The following SCGB3A2 variants were observed in gnomAD, a reference collection of about 807,000 sequenced individuals.
SCGB3A2 encodes pneumo secretory protein 1.
In SCGB3A2, 5 loss-of-function variants were observed where a neutral mutation model predicts 7.7. The observed-to-expected ratio is 0.65, with a 90% CI of 0.34 to 1.36. The LOEUF (loss-of-function observed/expected upper bound fraction) is 1.36. Ranked by LOEUF, SCGB3A2 falls within the 40% of genes most tolerant of loss-of-function variation. The probability of loss-of-function intolerance (pLI) is 0.04; values close to 1 mark genes in which losing one functional copy is unlikely to be tolerated. For missense variants in SCGB3A2, 109 were observed against 103.6 expected, an observed-to-expected ratio of 1.05 and a Z score of -0.23; for synonymous variants, 44 against 42.7, an observed-to-expected ratio of 1.03 and a Z score of -0.12.
At chr5:147,880,377 C>G (rs1222723977) in intron 1 of SCGB3A2, among the ~76,000 whole-genome samples, 2 of 152,138 alleles carry the variant, frequency 1.3e-5, no homozygotes, top group Non-Finnish European at 2.9e-5. Flanking sequence ...TGACATCCAA[C>G]ACTTTAAAAA....
In SCGB3A2 at chr5:147,881,976, T is replaced by C. The variant is rs779799344; in HGVS notation, c.259-51T>C. On this transcript the variant is annotated intron_variant, in intron 2 of 2. Transcript: ENST00000296694. ...CTGGAAGTGAATATGTTTTGAAACATGCGAATTACATGTAAGCTGCTCTAA... is the reference window on the plus strand; with the variant it reads ...CTGGAAGTGAATATGTTTTGAAACACGCGAATTACATGTAAGCTGCTCTAA... 1.9e-6 allele frequency: 3 copies of C among 1,598,854 alleles called. No homozygotes were observed. In the South Asian group the frequency reaches 3.3e-5, roughly 18 times the overall value.
chr5:147,879,337 T>G (rs1757310255), intron 1 of SCGB3A2, among the ~76,000 whole-genome samples: 1 of 152,254 alleles, frequency 6.6e-6, no homozygotes. Flanking sequence ...GATAGCTACA[T>G]TCATCTGTTT....
At chr5:147,881,692 C>T in intron 2 of SCGB3A2, 44 bp downstream of exon 2, 17 of 1,473,788 alleles carry the variant, frequency 1.2e-5, no homozygotes, top group Non-Finnish European at 1.6e-5. Flanking sequence ...GGGAGGCATA[C>T]TCACCCTGAA....
At chr5:147,879,473 G>T (rs767079294) in intron 1 of SCGB3A2, among the ~76,000 whole-genome samples, 44 of 152,298 alleles carry the variant, frequency 2.9e-4, no homozygotes, top group African/African-American at 6.7e-4. Flanking sequence ...GATAGATAGG[G>T]CTTCTGCCTA....
rs1757356612 is a variant in SCGB3A2 at position 147,882,013 on chromosome 5, C to T, written c.259-14C>T. On this transcript the variant is annotated splice_polypyrimidine_tract_variant and intron_variant, in intron 2 of 2. Coordinates refer to ENST00000296694, the MANE Select transcript of SCGB3A2 (RefSeq NM_054023.5). ...GTAAGCTGCTCTAAATTTTGTTGTC[C>T]TTCTACATTTCAGGAGGCGCTATCA... 6.2e-7 allele frequency: 1 copy of T among 1,613,214 alleles called. No homozygotes were observed. The highest frequency in any genetic ancestry group is 1.3e-5 in the African/African-American group (1 of 74,846).
chr5:147,881,920 C>A, intron 2 of SCGB3A2, 107 bp from the exon 3 acceptor site: 1 of 1,225,456 alleles, frequency 8.2e-7, no homozygotes, highest in Non-Finnish European at 1.2e-6. Flanking sequence ...TTTTTGTTTC[C>A]CCATCAGTAA....
chr5:147,880,109 T>A (rs116616735), intron 1 of SCGB3A2, among the ~76,000 whole-genome samples: 1 of 152,180 alleles, frequency 6.6e-6, no homozygotes. Context: ...GAAAATAAAC[T>A]ATGGCAGGTC....
At chr5:147,881,340 A>C in intron 1 of SCGB3A2, 106 bp from the exon 2 acceptor site, 1 of 879,518 alleles carries the variant, frequency 1.1e-6, no homozygotes, top group South Asian at 1.5e-5. Context: ...TGGAAGTAAG[A>C]TGAGTGGATC....
At chr5:147,880,112 G>A (rs75900153) in intron 1 of SCGB3A2, among the ~76,000 whole-genome samples, 1,543 of 152,252 alleles carry the variant, frequency 0.01, 27 homozygotes, top group African/African-American at 0.035. Flanking sequence ...AATAAACTAT[G>A]GCAGGTCTTA....
chr5:147,882,137 CAAATGCCCTA>C lies in SCGB3A2; in HGVS notation c.*93_*102del. 3 of 1,320,136 alleles carry C rather than the reference CAAATGCCCTA, an allele frequency of 2.3e-6. No individual in the cohort carries two copies. The Admixed American group carries it at 5.1e-5, about 22-fold the overall frequency. The allele number at this position is 1,320,136 out of a possible 1,614,324, so 81.8% of individuals were successfully genotyped here. A position where few individuals can be genotyped will look rare whatever the true frequency, so the allele number is the denominator to read the frequency against. ...GAAACCTGTTCTACCAATTATAGAT[CAAATGCCCTA>C]AAATGTAGTGACCCGTGAAAAGGAC... On this transcript the variant is annotated 3_prime_UTR_variant, in exon 3 of 3. Coordinates refer to ENST00000296694, the MANE Select transcript of SCGB3A2 (RefSeq NM_054023.5).
Position 147,881,445 on chromosome 5 carries a change from G to A in SCGB3A2, c.56-1G>A, listed in dbSNP as rs750914244. On this transcript the variant is annotated splice_acceptor_variant, in intron 1 of 2. Transcript: ENST00000296694. LOFTEE classifies it high-confidence loss of function. Reference sequence around the variant, plus strand: ...TCACCTGGTTTCTCTTTTTCCTGCAGCTACTGCCTTCCTCATCAACAAAGT... The same window carrying A: ...TCACCTGGTTTCTCTTTTTCCTGCAACTACTGCCTTCCTCATCAACAAAGT... The A allele has an allele frequency of 1.5e-5, 25 of 1,613,548 alleles. No homozygotes were observed. The highest frequency in any genetic ancestry group is 6.7e-5 in the Admixed American group (4 of 59,998).
chr5:147,881,764 AG>A, intron 2 of SCGB3A2, 116 bp downstream of exon 2: 2 of 880,284 alleles, frequency 2.3e-6, no homozygotes, highest in South Asian at 1.8e-5. Flanking sequence ...TTATATTCAT[AG>A]GAAGTTTGCA....
intron 2 of SCGB3A2, 120 bp from the exon 3 acceptor site, chr5:147,881,907 G>A (rs1757354726): frequency 9.3e-7 from 1 of 1,071,378 alleles, no homozygotes; most frequent in African/African-American, 1.6e-5. Flanking sequence ...TAATCACTCT[G>A]AGTTTTTGTT....
chr5:147,881,526 A>T lies in SCGB3A2; in HGVS notation c.136A>T (p.Met46Leu), dbSNP rs1757347912. The part of the protein sequence containing the change: ...PLPLDNILPF[M>L]DPLKLLLKTL... ...ACCTCTGGACAACATTCTTCCCTTTATGGATCCATTAAAGCTTCTTCTGAA... is the reference window on the plus strand; with the variant it reads ...ACCTCTGGACAACATTCTTCCCTTTTTGGATCCATTAAAGCTTCTTCTGAA... Residue 46 changes from methionine to leucine, a missense_variant, in exon 2 of 3, where the codon ATG becomes TTG. Coordinates refer to ENST00000296694, the MANE Select transcript of SCGB3A2 (RefSeq NM_054023.5). 4 of 1,613,430 alleles carry T rather than the reference A, an allele frequency of 2.5e-6. No individual in the cohort carries two copies. Among genetic ancestry groups the T allele is most frequent in the Non-Finnish European group, 3.4e-6 (4 of 1,179,466 alleles).
intron 1 of SCGB3A2, among the ~76,000 whole-genome samples, chr5:147,880,070 TTGAA>T (rs36050218): frequency 0.034 from 5,212 of 152,188 alleles, 291 homozygotes; most frequent in African/African-American, 0.12. Flanking sequence ...TTTTAATAAT[TTGAA>T]TGGGGAAATA....
intron 1 of SCGB3A2, among the ~76,000 whole-genome samples, chr5:147,880,324 C>T (rs974827820): frequency 1.5e-4 from 23 of 152,096 alleles, no homozygotes; most frequent in Admixed American, 1.1e-3. Context: ...GCCTTGATAG[C>T]GCCCCACTGC....
intron 1 of SCGB3A2, among the ~76,000 whole-genome samples, chr5:147,880,441 G>A (rs994520347): frequency 3.9e-5 from 6 of 152,010 alleles, no homozygotes; most frequent in Non-Finnish European, 8.8e-5. Flanking sequence ...CCATCCTTTG[G>A]TCATAGCCTA....
Position 147,882,161 on chromosome 5 carries a change from C to A in SCGB3A2, c.*111C>A. On this transcript the variant is annotated 3_prime_UTR_variant, in exon 3 of 3. Coordinates refer to ENST00000296694, the MANE Select transcript of SCGB3A2 (RefSeq NM_054023.5). The stretch of plus-strand genomic sequence containing the variant: ...TCAAATGCCCTAAAATGTAGTGACC[C>A]GTGAAAAGGACAAATAAAGCAATGA... The A allele has an allele frequency of 9.3e-7, 1 of 1,071,726 alleles. No homozygotes were observed. Among genetic ancestry groups the A allele is most frequent in the Non-Finnish European group, 1.4e-6 (1 of 694,178 alleles). The allele number at this position is 1,071,726 out of a possible 1,614,324, so 66.4% of individuals were successfully genotyped here. A position where few individuals can be genotyped will look rare whatever the true frequency, so the allele number is the denominator to read the frequency against.
chr5:147,879,004 A>C (rs986505055), intron 1 of SCGB3A2, 146 bp downstream of exon 1: 4 of 635,908 alleles, frequency 6.3e-6, no homozygotes, highest in Non-Finnish European at 1.1e-5. Context: ...ACTGACACAT[A>C]ATAATTGCAC....
Sources: gnomAD v4.1 joint callset for allele counts (sites outside exome capture counted in the v4.1 genomes callset) on GRCh38, gnomAD v4.1.1 for gene constraint, MANE v1.5 for transcripts, NCBI Gene and HGNC (gene_info 2026-07-23, HGNC 2026-07-21) for gene names.